ACKR3: variants seen among roughly 807,000 people sequenced by gnomAD.
The protein encoded by ACKR3 is C-X-C chemokine receptor type 7.
ACKR3 carries 6 observed loss-of-function variants against 22.4 expected under a neutral mutation model. The ratio of observed to expected loss-of-function variants is 0.27; its 90% CI spans 0.15 to 0.53. The LOEUF (loss-of-function observed/expected upper bound fraction) is 0.53. Among genes scored for constraint, ACKR3 ranks in the 20% least tolerant of loss-of-function variants. The pLI is 0.96. For synonymous variants in ACKR3, 209 were observed against 205.2 expected, an observed-to-expected ratio of 1.02 and a Z score of -0.16; for missense variants, 396 against 475.2, an observed-to-expected ratio of 0.83 and a Z score of 1.55.
the ACKR3 span, among the ~76,000 whole-genome samples, chr2:236,547,499 C>T: frequency 6.6e-6 from 1 of 150,856 alleles, no homozygotes; most frequent in African/African-American, 2.5e-5. Flanking sequence ...TTCCTTCTTG[C>T]ATATCAGACC....
rs76008828 is a variant in ACKR3 at position 236,571,466 on chromosome 2, C to T, written c.-27+1542C>T. Among the ~76,000 whole-genome samples, 122 of 152,166 alleles carry T rather than the reference C, an allele frequency of 8.0e-4. 3 individuals carry two copies. The East Asian group carries it at 0.022, about 27-fold the overall frequency. The stretch of plus-strand genomic sequence containing the variant: ...TGCAGACGTAGTTTTAAAAAAGTTC[C>T]ATAAAGCATCGCCAAGGCAGCATGC... On this transcript the variant is annotated intron_variant, in intron 1 of 1. Coordinates refer to ENST00000272928, the MANE Select transcript of ACKR3 (RefSeq NM_020311.3).
the ACKR3 span, among the ~76,000 whole-genome samples, chr2:236,542,959 TG>T: frequency 3.3e-5 from 5 of 152,378 alleles, no homozygotes; most frequent in Admixed American, 6.5e-5. Flanking sequence ...ATGCGGGCCC[TG>T]TGATAAATGT....
At chr2:236,559,798 C>A in the ACKR3 span, among the ~76,000 whole-genome samples, 7 of 152,306 alleles carry the variant, frequency 4.6e-5, no homozygotes, top group African/African-American at 1.7e-4. Flanking sequence ...ATATGACTGT[C>A]CTTCAACCGT....
Position 236,580,634 on chromosome 2 carries a change from A to T in ACKR3, c.169A>T (p.Ile57Phe), listed in dbSNP as rs958531454. The T allele has an allele frequency of 1.2e-6, 2 of 1,613,950 alleles. No homozygotes were observed. The highest frequency in any genetic ancestry group is 1.3e-5 in the African/African-American group (1 of 75,050). The change falls in exon 2 of 2, where the codon ATC (isoleucine) becomes TTC (phenylalanine). Residue 57 changes from isoleucine (I) to phenylalanine (F), a missense_variant. By Grantham distance (21) the Ile-to-Phe change is conservative. Transcript: ENST00000272928. ...LSFIYIFIFV[I>F]GMIANSVVVW... is the part of the protein sequence containing the mutation. ...CTTCATTTACATTTTCATCTTCGTC[A>T]TCGGCATGATTGCCAACTCCGTGGT...
chr2:236,537,695 T>C, the ACKR3 span, among the ~76,000 whole-genome samples: 2 of 152,228 alleles, frequency 1.3e-5, no homozygotes, highest in African/African-American at 4.8e-5. Context: ...TGTTTTTACC[T>C]TTTTGCTACT....
chr2:236,540,093 A>T, the ACKR3 span, among the ~76,000 whole-genome samples: 1 of 152,232 alleles, frequency 6.6e-6, no homozygotes, highest in Non-Finnish European at 1.5e-5. Context: ...TTAACTTTAT[A>T]GGAAACTGCA....
chr2:236,581,086 G>C lies in ACKR3; in HGVS notation c.621G>C (p.Glu207Asp). ...RSFYPEHSIK[E>D]WLIGMELVSV... ...TCTACCCCGAGCACAGCATCAAGGA[G>C]TGGCTGATCGGCATGGAGCTGGTCT... Residue 207 changes from glutamate (E) to aspartate (D), a missense_variant, in exon 2 of 2, where the codon GAG becomes GAC. Transcript: ENST00000272928. The surrounding 1 kb of genome is among the most constrained non-coding windows in gnomAD (Gnocchi z 4.4). 1 of 1,614,250 alleles carries C rather than the reference G, an allele frequency of 6.2e-7. No individual in the cohort carries two copies. The highest frequency in any genetic ancestry group is 8.5e-7 in the Non-Finnish European group (1 of 1,180,044).
chr2:236,580,368 C>T lies in ACKR3; in HGVS notation c.-26-72C>T. On this transcript the variant is annotated intron_variant, in intron 1 of 1. Transcript: ENST00000272928. ...CAGGGCCTTGGAAAAGCATTTTTGCCTGAAACTTGAGTTTTTCCTAATGAA... is the reference window on the plus strand; with the variant it reads ...CAGGGCCTTGGAAAAGCATTTTTGCTTGAAACTTGAGTTTTTCCTAATGAA... The T allele has an allele frequency of 6.6e-6, 10 of 1,514,012 alleles. No individual in the cohort carries two copies. In the South Asian group the frequency reaches 1.2e-4, roughly 18 times the overall value. The allele number at this position is 1,514,012 out of a possible 1,614,324, so 93.8% of individuals were successfully genotyped here.
upstream of ACKR3, among the ~76,000 whole-genome samples, chr2:236,566,997 TC>T (rs1227042335): frequency 6.6e-6 from 1 of 151,212 alleles, no homozygotes; most frequent in East Asian, 1.9e-4. Flanking sequence ...CTTCCTTCCT[TC>T]CTTCCCCCTT....
intron 1 of ACKR3, among the ~76,000 whole-genome samples, chr2:236,578,513 C>T (rs555622645): frequency 6.6e-6 from 1 of 152,298 alleles, no homozygotes; most frequent in East Asian, 1.9e-4. Context: ...GGAGGGGATG[C>T]GGCTGTCTTG....
intron 1 of ACKR3, among the ~76,000 whole-genome samples, chr2:236,573,142 C>T (rs955529130): frequency 9.9e-5 from 15 of 152,046 alleles, no homozygotes; most frequent in African/African-American, 3.1e-4. Flanking sequence ...CCCATAGATT[C>T]GATGTAGCAT....
chr2:236,541,779 G>C, the ACKR3 span, among the ~76,000 whole-genome samples: 4 of 152,168 alleles, frequency 2.6e-5, no homozygotes, highest in Non-Finnish European at 5.9e-5. Context: ...ACTCCATACT[G>C]TTCTCCTGGT....
chr2:236,567,288 C>T (rs1280322395), upstream of ACKR3, among the ~76,000 whole-genome samples: 2 of 152,208 alleles, frequency 1.3e-5, no homozygotes, highest in Non-Finnish European at 2.9e-5. Context: ...CCTGAGCCAC[C>T]GCGCCCGGCC....
At chr2:236,575,646 GTCTGGGGTTGTGCTGTGTGTGCGTT>G (rs1466617070) in intron 1 of ACKR3, among the ~76,000 whole-genome samples, 1,228 of 118,006 alleles carry the variant, frequency 0.01, 177 homozygotes, top group Middle Eastern at 0.03. Flanking sequence ...GTGTGTGCGT[GTCTGGGGTTGTGCTGTGTGTGCGTT>G]TCTGGGGTTG....
chr2:236,564,579 CT>C (rs1420058728), upstream of ACKR3, among the ~76,000 whole-genome samples: 6 of 148,110 alleles, frequency 4.1e-5, no homozygotes, highest in Middle Eastern at 3.5e-3. Flanking sequence ...GCCCTTTTCT[CT>C]TTTCCTTCCT....
chr2:236,564,641 C>T (rs1190227009), upstream of ACKR3, among the ~76,000 whole-genome samples: 1 of 150,452 alleles, frequency 6.6e-6, no homozygotes, highest in Non-Finnish European at 1.5e-5. Context: ...ATCAGTTGTC[C>T]CTGAACTCTT....
rs563753405 is a variant in ACKR3, at chr2:236,574,404, G to A, written c.-27+4480G>A. Among the ~76,000 whole-genome samples, 1 of 152,270 alleles carries A rather than the reference G, an allele frequency of 6.6e-6. No homozygotes were observed. The highest frequency in any genetic ancestry group is 2.1e-4 in the South Asian group (1 of 4,824). ...CGGGGCCTGGTAGGAATGAGGTGGAGGGGCAAGAAACCTGAACAACGTGAT... is the reference window on the plus strand; with the variant it reads ...CGGGGCCTGGTAGGAATGAGGTGGAAGGGCAAGAAACCTGAACAACGTGAT... On this transcript the variant is annotated intron_variant, in intron 1 of 1. Transcript: ENST00000272928. The surrounding 1 kb of genome is among the most constrained non-coding windows in gnomAD (Gnocchi z 5.6).
chr2:236,539,755 A>G, the ACKR3 span, among the ~76,000 whole-genome samples: 1 of 152,172 alleles, frequency 6.6e-6, no homozygotes, highest in African/African-American at 2.4e-5. Context: ...CATTTCTGAG[A>G]CTGGGTAATT....
chr2:236,551,901 G>A, the ACKR3 span, among the ~76,000 whole-genome samples: 1 of 152,090 alleles, frequency 6.6e-6, no homozygotes, highest in African/African-American at 2.4e-5. Flanking sequence ...CCCTGGTCCC[G>A]GCAGATCAAG....
Sources: allele counts gnomAD v4.1 joint callset (sites outside exome capture counted in the v4.1 genomes callset), GRCh38; gene constraint gnomAD v4.1.1; non-coding constraint Gnocchi (gnomAD v3.1); transcripts MANE v1.5; gene names NCBI Gene and HGNC (gene_info 2026-07-23, HGNC 2026-07-21).